Variants in SLC22A3 observed in about 807,000 individuals in gnomAD.
SLC22A3 encodes the protein EMT organic cation transporter 3.
In SLC22A3, 51 loss-of-function variants were observed where a neutral mutation model predicts 59.1. The observed-to-expected ratio is 0.86, with a 90% confidence interval of 0.69 to 1.09. The LOEUF (loss-of-function observed/expected upper bound fraction) is 1.09, where lower values mean the gene tolerates loss of function less well. Ranked by LOEUF, SLC22A3 falls within the 50% of genes least tolerant of loss-of-function variation. The pLI is 0.00. For synonymous variants in SLC22A3, 325 were observed against 292.0 expected, an observed-to-expected ratio of 1.11 and a Z score of -1.15; for missense variants, 711 against 726.3, an observed-to-expected ratio of 0.98 and a Z score of 0.24.
At chr6:160,399,695 T>C (rs1786680810) in intron 2 of SLC22A3, among the ~76,000 whole-genome samples, 1 of 152,156 alleles carries the variant, frequency 6.6e-6, no homozygotes, top group Non-Finnish European at 1.5e-5. Flanking sequence ...GAGTACAGTG[T>C]AGGAAGGGTG....
At chr6:160,428,845 T>C (rs1484733343) in intron 5 of SLC22A3, among the ~76,000 whole-genome samples, 1 of 152,218 alleles carries the variant, frequency 6.6e-6, no homozygotes, top group East Asian at 1.9e-4. Context: ...TTTTAAAGGA[T>C]AAGGAGGTTT....
intron 1 of SLC22A3, among the ~76,000 whole-genome samples, chr6:160,376,783 T>C (rs1292375591): frequency 3.3e-5 from 5 of 152,242 alleles, no homozygotes; most frequent in Admixed American, 3.3e-4. Context: ...TCCCTGTATA[T>C]ATATTTTTTG....
At chr6:160,360,956 A>T (rs565582768) in intron 1 of SLC22A3, among the ~76,000 whole-genome samples, 29 of 152,346 alleles carry the variant, frequency 1.9e-4, no homozygotes, top group African/African-American at 7.0e-4. Flanking sequence ...TCATTCTAAA[A>T]GAAGGGGTAG....
intron 8 of SLC22A3, 67 bp downstream of exon 8, chr6:160,442,936 G>A: frequency 8.0e-7 from 1 of 1,255,248 alleles, no homozygotes; most frequent in Non-Finnish European, 1.2e-6. Context: ...AGTTGATTTA[G>A]TTAAAAACTA....
chr6:160,430,129 A>G (rs754022227), intron 5 of SLC22A3, among the ~76,000 whole-genome samples: 3 of 152,018 alleles, frequency 2.0e-5, no homozygotes, highest in Admixed American at 6.6e-5. Context: ...ACACATATCT[A>G]TGTATCTATA....
Position 160,383,377 on chromosome 6 carries a change from A to C in SLC22A3, c.430-14602A>C, listed in dbSNP as rs1409401654. 4.6e-5 allele frequency among the ~76,000 whole-genome samples: 7 copies of C among 152,038 alleles called. No individual in the cohort carries two copies. The East Asian group carries it at 1.3e-3, about 29-fold the overall frequency. On this transcript the variant is annotated intron_variant, in intron 1 of 10. Transcript: ENST00000275300. Reference sequence around the variant, plus strand: ...TTCAAATGTAATTGTCAGAAAGAGCACCCCACTCCACTGCACCCCAAATCA... The same window carrying C: ...TTCAAATGTAATTGTCAGAAAGAGCCCCCCACTCCACTGCACCCCAAATCA...
intron 1 of SLC22A3, among the ~76,000 whole-genome samples, chr6:160,391,828 A>G (rs1219026548): frequency 6.6e-6 from 1 of 152,246 alleles, no homozygotes; most frequent in Non-Finnish European, 1.5e-5. Flanking sequence ...AATAAATGAC[A>G]GGAATTATTA....
intron 5 of SLC22A3, among the ~76,000 whole-genome samples, chr6:160,428,047 T>G (rs996648088): frequency 1.3e-5 from 2 of 152,128 alleles, no homozygotes; most frequent in Non-Finnish European, 2.9e-5. Flanking sequence ...CTTTTTTCCT[T>G]TCTCCTCTTA....
At chr6:160,449,548 T>C (rs879869466) in intron 10 of SLC22A3, among the ~76,000 whole-genome samples, 2 of 152,246 alleles carry the variant, frequency 1.3e-5, no homozygotes, top group Non-Finnish European at 2.9e-5. Flanking sequence ...TAAAACTTGC[T>C]AGCATTTCCC....
intron 2 of SLC22A3, among the ~76,000 whole-genome samples, chr6:160,404,121 A>G (rs1350100742): frequency 6.6e-6 from 1 of 152,008 alleles, no homozygotes; most frequent in Non-Finnish European, 1.5e-5. Flanking sequence ...ATTGGAAAGG[A>G]AGAAATAAAA....
intron 1 of SLC22A3, among the ~76,000 whole-genome samples, chr6:160,395,217 A>G (rs1459084228): frequency 1.3e-5 from 2 of 152,270 alleles, no homozygotes; most frequent in Non-Finnish European, 2.9e-5. Context: ...ACAGTCAAGA[A>G]GATAATCAGT....
At chr6:160,368,577 G>A (rs868082717) in intron 1 of SLC22A3, among the ~76,000 whole-genome samples, 2 of 152,066 alleles carry the variant, frequency 1.3e-5, no homozygotes, top group Non-Finnish European at 1.5e-5. Context: ...CCCTGTCATA[G>A]GCACATTCAT....
chr6:160,398,120 A>G (rs756535981), intron 2 of SLC22A3, 38 bp downstream of exon 2: 6 of 1,377,166 alleles, frequency 4.4e-6, no homozygotes, highest in Non-Finnish European at 6.2e-6. Context: ...TGTCACTATA[A>G]TACCATGCAT....
intron 1 of SLC22A3, among the ~76,000 whole-genome samples, chr6:160,349,215 G>A (rs1175628043): frequency 2.6e-5 from 4 of 152,192 alleles, no homozygotes; most frequent in African/African-American, 9.7e-5. Flanking sequence ...GGAAATTATG[G>A]TTAGGTGCGC....
chr6:160,417,933 A>C (rs1218454102), intron 5 of SLC22A3, among the ~76,000 whole-genome samples: 3 of 152,268 alleles, frequency 2.0e-5, no homozygotes, highest in Non-Finnish European at 2.9e-5. Context: ...GGCCCCAGCC[A>C]GCCCACAAAC....
intron 7 of SLC22A3, among the ~76,000 whole-genome samples, chr6:160,441,737 T>A (rs1315472724): frequency 6.6e-6 from 1 of 151,726 alleles, no homozygotes; most frequent in Non-Finnish European, 1.5e-5. Context: ...GGTTCAATAA[T>A]TCCCCTAGGA....
intron 5 of SLC22A3, among the ~76,000 whole-genome samples, chr6:160,421,891 TG>T (rs928554425): frequency 2.6e-5 from 4 of 152,250 alleles, no homozygotes; most frequent in African/African-American, 9.6e-5. Context: ...CTTTGCCATT[TG>T]GTCCATTCTT....
intron 1 of SLC22A3, among the ~76,000 whole-genome samples, chr6:160,373,336 G>T (rs1367413895): frequency 6.6e-6 from 1 of 152,194 alleles, no homozygotes; most frequent in East Asian, 1.9e-4. Flanking sequence ...ACCAGTGGAG[G>T]CTGCAGAACA....
intron 1 of SLC22A3, among the ~76,000 whole-genome samples, chr6:160,384,726 C>G (rs2114802532): frequency 6.6e-6 from 1 of 152,266 alleles, no homozygotes. Flanking sequence ...CGACTCCCAC[C>G]TTCCTTCCAC....
Sources: gnomAD v4.1 joint callset for allele counts (sites outside exome capture counted in the v4.1 genomes callset) on GRCh38, gnomAD v4.1.1 for gene constraint, MANE v1.5 for transcripts, NCBI Gene and HGNC (gene_info 2026-07-23, HGNC 2026-07-21) for gene names.